Variants in ATRNL1 observed in about 807,000 individuals in gnomAD.
ATRNL1 encodes attractin like 1, also known as attractin-like protein 1.
Under a neutral mutation model 182.7 loss-of-function variants are expected in ATRNL1, and 95 were observed. That is an observed-to-expected ratio of 0.52 (90% CI 0.44 to 0.62). The LOEUF is 0.62. Among genes scored for constraint, ATRNL1 ranks in the 20% least tolerant of loss-of-function variants. The pLI is 0.00. For missense variants in ATRNL1, 1,471 were observed against 1,679.5 expected (o/e 0.88, Z 2.17); for synonymous variants, 576 against 568.3 (o/e 1.01, Z -0.19).
intron 8 of ATRNL1, among the ~76,000 whole-genome samples, chr10:115,214,309 A>AAT (rs3086142): frequency 0.034 from 5,048 of 148,730 alleles, 358 homozygotes; most frequent in Admixed American, 0.18. Flanking sequence ...TTTTAGTTCA[A>AAT]ATATATATAT....
At position 115,217,465 on chromosome 10, in the gene ATRNL1, A is replaced by C. The variant is rs149600286; in HGVS notation, c.1532+1585A>C. ...GTATGAAGGAGGCAGTATAGTTCAC[A>C]GTAATAATAATGGGTATAGCAATGC... On this transcript the variant is annotated intron_variant, in intron 9 of 28. Transcript: ENST00000355044. 2.0e-5 allele frequency among the ~76,000 whole-genome samples: 3 copies of C among 152,300 alleles called. No homozygotes were observed. The East Asian group carries it at 5.8e-4, about 29-fold the overall frequency.
chr10:115,297,999 A>C lies in ATRNL1; in HGVS notation c.2416-2035A>C, dbSNP rs116649968. Among the ~76,000 whole-genome samples, 1,228 of 152,206 alleles carry C rather than the reference A, an allele frequency of 8.1e-3. 15 individuals carry two copies. Among genetic ancestry groups the C allele is most frequent in the African/African-American group, 0.026 (1,085 of 41,538 alleles). On this transcript the variant is annotated intron_variant, in intron 15 of 28. Transcript: ENST00000355044. ...AGTTCATCACACATTCAAAAGTTCC[A>C]TTTGCTAAGGAATGTGATGCTAACT...
intron 27 of ATRNL1, among the ~76,000 whole-genome samples, chr10:115,815,016 G>C (rs1555088139): frequency 6.6e-6 from 1 of 152,142 alleles, no homozygotes; most frequent in South Asian, 2.1e-4. Flanking sequence ...GATCAAGTTA[G>C]AAGAAAATCT....
chr10:115,747,921 T>C (rs1236924799), intron 27 of ATRNL1, among the ~76,000 whole-genome samples: 5 of 152,066 alleles, frequency 3.3e-5, no homozygotes, highest in African/African-American at 9.7e-5. Context: ...ATTGGCCTTC[T>C]TTCATAAGGA....
intron 19 of ATRNL1, among the ~76,000 whole-genome samples, chr10:115,350,455 T>A (rs1333457040): frequency 6.6e-6 from 1 of 152,004 alleles, no homozygotes; most frequent in Non-Finnish European, 1.5e-5. Flanking sequence ...TATATATATC[T>A]TGAGAGTTAG....
At chr10:115,843,477 A>T (rs1388169707) in intron 27 of ATRNL1, among the ~76,000 whole-genome samples, 1 of 152,056 alleles carries the variant, frequency 6.6e-6, no homozygotes, top group Non-Finnish European at 1.5e-5. Context: ...GGCTTTATAG[A>T]TGAAGTGACA....
chr10:115,455,159 A>G (rs564064496), intron 21 of ATRNL1, among the ~76,000 whole-genome samples: 88 of 152,190 alleles, frequency 5.8e-4, no homozygotes, highest in African/African-American at 2.0e-3. Flanking sequence ...CATAATTTTT[A>G]TCCTTCATTC....
intron 25 of ATRNL1, among the ~76,000 whole-genome samples, chr10:115,521,563 G>T (rs541846913): frequency 1.2e-3 from 176 of 152,196 alleles, no homozygotes; most frequent in African/African-American, 3.9e-3. Flanking sequence ...GAATCTTGAG[G>T]TTTTTTATTT....
intron 27 of ATRNL1, among the ~76,000 whole-genome samples, chr10:115,796,626 G>T (rs1026360338): frequency 6.6e-6 from 1 of 152,174 alleles, no homozygotes; most frequent in East Asian, 1.9e-4. Flanking sequence ...CAAGTGGAAA[G>T]CTGAGAACTT....
intron 20 of ATRNL1, among the ~76,000 whole-genome samples, chr10:115,397,229 G>C (rs1333121702): frequency 6.6e-6 from 1 of 151,870 alleles, no homozygotes; most frequent in Non-Finnish European, 1.5e-5. Context: ...ATAACATATG[G>C]TTTTTGTTGA....
At chr10:115,469,446 C>A in intron 24 of ATRNL1, 117 bp downstream of exon 24, 1 of 569,966 alleles carries the variant, frequency 1.8e-6, no homozygotes. Context: ...CAAAAACATG[C>A]ATTGACCTTT....
chr10:115,944,255 T>TTTTTTTTTTTTTTTTTTTTTTTTTTG (rs1555124893), intron 28 of ATRNL1, among the ~76,000 whole-genome samples: 2 of 138,018 alleles, frequency 1.4e-5, no homozygotes, highest in African/African-American at 5.4e-5. Context: ...GAAATGTTTT[T>TTTTTTTTTTTTTTTTTTTTTTTTTTG]AAAAATCTTA....
chr10:115,490,682 T>C (rs1554976370), intron 24 of ATRNL1, among the ~76,000 whole-genome samples: 1 of 152,200 alleles, frequency 6.6e-6, no homozygotes, highest in Non-Finnish European at 1.5e-5. Context: ...CATGCTCCTT[T>C]AGCTTGGAGG....
At chr10:115,686,170 G>A (rs910636578) in intron 26 of ATRNL1, among the ~76,000 whole-genome samples, 2 of 151,840 alleles carry the variant, frequency 1.3e-5, no homozygotes, top group African/African-American at 4.8e-5. Flanking sequence ...TATTTTCTCA[G>A]AAGGAAGTGC....
intron 27 of ATRNL1, among the ~76,000 whole-genome samples, chr10:115,780,962 G>T (rs1949251311): frequency 6.6e-6 from 1 of 152,060 alleles, no homozygotes; most frequent in Admixed American, 6.6e-5. Flanking sequence ...AATATATATG[G>T]AAGTTCTCAT....
chr10:115,813,824 A>T (rs184044865), intron 27 of ATRNL1, among the ~76,000 whole-genome samples: 175 of 152,290 alleles, frequency 1.1e-3, no homozygotes, highest in Non-Finnish European at 2.3e-3. Flanking sequence ...AGAAAAGCTA[A>T]CTATAGCAGA....
chr10:115,636,299 T>C (rs869054225), intron 26 of ATRNL1, among the ~76,000 whole-genome samples: 3 of 151,904 alleles, frequency 2.0e-5, no homozygotes, highest in African/African-American at 7.3e-5. Context: ...GCAATAGCAA[T>C]AGGGGGATCC....
At chr10:115,706,773 G>A (rs1365099848) in intron 26 of ATRNL1, among the ~76,000 whole-genome samples, 3 of 151,838 alleles carry the variant, frequency 2.0e-5, no homozygotes, top group Non-Finnish European at 4.4e-5. Context: ...ATAGTGCCAT[G>A]CAGTTTAGAT....
At chr10:115,501,919 A>C (rs1849861415) in intron 24 of ATRNL1, among the ~76,000 whole-genome samples, 1 of 152,124 alleles carries the variant, frequency 6.6e-6, no homozygotes, top group African/African-American at 2.4e-5. Flanking sequence ...AAGTTATCAG[A>C]GATTGCATTC....
Sources: gnomAD v4.1 joint callset for allele counts (sites outside exome capture counted in the v4.1 genomes callset) on GRCh38, gnomAD v4.1.1 for gene constraint, MANE v1.5 for transcripts, NCBI Gene and HGNC (gene_info 2026-07-23, HGNC 2026-07-21) for gene names.